ALDH1A2: variants seen among roughly 807,000 people sequenced by gnomAD.
ALDH1A2 encodes the protein aldehyde dehydrogenase 1 family member A2.
Under a neutral mutation model 60.3 loss-of-function variants are expected in ALDH1A2, and 27 were observed. The ratio of observed to expected loss-of-function variants is 0.45; its 90% confidence interval spans 0.33 to 0.62. The LOEUF (loss-of-function observed/expected upper bound fraction) is 0.62, where lower values mean the gene tolerates loss of function less well. ALDH1A2 is among the 20% of genes least tolerant of loss of function. The probability of loss-of-function intolerance (pLI) is 0.02; values close to 1 mark genes in which losing one functional copy is unlikely to be tolerated. For missense variants in ALDH1A2, 581 were observed against 643.8 expected (o/e 0.90, Z 1.06); for synonymous variants, 289 against 232.4 (o/e 1.24, Z -2.21).
At chr15:57,982,874 T>C (rs1163689110) in intron 7 of ALDH1A2, among the ~76,000 whole-genome samples, 6 of 152,200 alleles carry the variant, frequency 3.9e-5, no homozygotes, top group Non-Finnish European at 8.8e-5. Context: ...GCTACATGTT[T>C]AGCAGTCACT....
chr15:58,014,351 AC>A (rs1289495563), intron 1 of ALDH1A2, 70 bp from the exon 2 acceptor site: 4 of 1,133,434 alleles, frequency 3.5e-6, no homozygotes, highest in Non-Finnish European at 4.0e-6. Context: ...GCCAAGTGTT[AC>A]GGAACTACTA....
intron 1 of ALDH1A2, among the ~76,000 whole-genome samples, chr15:58,036,390 C>G (rs1896379140): frequency 6.6e-6 from 1 of 151,534 alleles, no homozygotes. Context: ...CAACTTTTGG[C>G]AGCAACTATT....
At chr15:57,981,656 T>C (rs899933535) in intron 7 of ALDH1A2, among the ~76,000 whole-genome samples, 2 of 152,222 alleles carry the variant, frequency 1.3e-5, no homozygotes, top group African/African-American at 4.8e-5. Flanking sequence ...AAAGCTGGAA[T>C]TTGATCCATG....
At chr15:57,958,465 C>A (rs1325229705) in intron 12 of ALDH1A2, among the ~76,000 whole-genome samples, 1 of 152,132 alleles carries the variant, frequency 6.6e-6, no homozygotes, top group African/African-American at 2.4e-5. Context: ...GAGAAAAGCT[C>A]GTCTCTGAGC....
intron 5 of ALDH1A2, among the ~76,000 whole-genome samples, 182 bp from the exon 6 acceptor site, chr15:57,993,255 C>G (rs545071420): frequency 6.6e-6 from 1 of 152,194 alleles, no homozygotes; most frequent in African/African-American, 2.4e-5. Flanking sequence ...CCTTGGAAAT[C>G]TCTCCTTTTC....
chr15:57,955,353 G>A, intron 12 of ALDH1A2, 84 bp from the exon 13 acceptor site: 1 of 1,404,386 alleles, frequency 7.1e-7, no homozygotes, highest in South Asian at 1.2e-5. Flanking sequence ...GGGAGGTGCA[G>A]TTTATCACCT....
At chr15:58,064,461 T>G (rs1393826348) in intron 1 of ALDH1A2, among the ~76,000 whole-genome samples, 2 of 152,234 alleles carry the variant, frequency 1.3e-5, no homozygotes, top group East Asian at 3.8e-4. Context: ...CTAAGCCAGA[T>G]GCAAACAATT....
intron 1 of ALDH1A2, among the ~76,000 whole-genome samples, chr15:58,034,757 A>G (rs1401161679): frequency 3.3e-5 from 5 of 151,654 alleles, no homozygotes; most frequent in African/African-American, 1.2e-4. Flanking sequence ...CAGCCCATTG[A>G]TAAGACAGAC....
chr15:58,048,333 T>C (rs1216863137), intron 1 of ALDH1A2, among the ~76,000 whole-genome samples: 4 of 152,054 alleles, frequency 2.6e-5, no homozygotes, highest in African/African-American at 9.7e-5. Flanking sequence ...ATGCTGTAAA[T>C]GGAAATAACT....
chr15:58,018,653 C>A (rs1895845664), intron 1 of ALDH1A2, among the ~76,000 whole-genome samples: 2 of 152,084 alleles, frequency 1.3e-5, no homozygotes, highest in African/African-American at 4.8e-5. Context: ...GCTGATGTCA[C>A]CAGCAATGGG....
At chr15:57,955,727 C>T (rs1219731352) in intron 12 of ALDH1A2, among the ~76,000 whole-genome samples, 1 of 146,440 alleles carries the variant, frequency 6.8e-6, no homozygotes, top group African/African-American at 2.5e-5. Context: ...AGTATTAGTT[C>T]TTTGGGACAG....
intron 8 of ALDH1A2, 38 bp downstream of exon 8, chr15:57,965,687 G>T: frequency 2.2e-6 from 3 of 1,386,618 alleles, no homozygotes; most frequent in Non-Finnish European, 2.1e-6. Flanking sequence ...ACCAAAGGGT[G>T]TGTGGTGGTT....
At chr15:58,038,265 T>C (rs1896426108) in intron 1 of ALDH1A2, among the ~76,000 whole-genome samples, 2 of 151,758 alleles carry the variant, frequency 1.3e-5, no homozygotes, top group African/African-American at 2.4e-5. Flanking sequence ...AAGTAAATTA[T>C]GTCTTTCAGT....
At chr15:58,063,239 A>G (rs4646554) in intron 1 of ALDH1A2, among the ~76,000 whole-genome samples, 72,187 of 152,052 alleles carry the variant, frequency 0.47, 17,530 homozygotes, top group Non-Finnish European at 0.53. Context: ...ACAAAAAACA[A>G]TAACATATTG....
intron 7 of ALDH1A2, among the ~76,000 whole-genome samples, chr15:57,973,430 A>G (rs1270180525): frequency 1.3e-5 from 2 of 152,208 alleles, no homozygotes; most frequent in African/African-American, 4.8e-5. Flanking sequence ...TAATGTACCA[A>G]TAGGTCCCAT....
intron 1 of ALDH1A2, among the ~76,000 whole-genome samples, chr15:58,058,518 C>G (rs888011580): frequency 1.4e-5 from 2 of 146,262 alleles, no homozygotes; most frequent in Non-Finnish European, 3.0e-5. Context: ...AATTCAAAGT[C>G]CAATGAATAG....
At chr15:57,964,097 C>T (rs754801022) in intron 8 of ALDH1A2, 28 bp from the exon 9 acceptor site, 11 of 1,613,270 alleles carry the variant, frequency 6.8e-6, no homozygotes, top group African/African-American at 1.3e-5. Context: ...CATGTTCTCA[C>T]CGCTTTGCCT....
At position 57,954,927 on chromosome 15, in the gene ALDH1A2, T is replaced by C. The variant is rs1182840224; in HGVS notation, c.*270A>G. 1.8e-6 allele frequency: 1 copy of C among 546,136 alleles called. No homozygotes were observed. Among genetic ancestry groups the C allele is most frequent in the East Asian group, 3.2e-5 (1 of 31,340 alleles). The allele number at this position is 546,136 out of a possible 1,614,324, so 33.8% of individuals were successfully genotyped here. On this transcript the variant is annotated 3_prime_UTR_variant, in exon 13 of 13. Transcript: ENST00000249750. ...TTTCATCCTGTGCTCCAGAAGGAGA[T>C]ACTGGATGTGTCTGCTAGCTCCTCC...
At chr15:58,013,290 A>T (rs760826826) in intron 3 of ALDH1A2, among the ~76,000 whole-genome samples, 8 of 152,194 alleles carry the variant, frequency 5.3e-5, no homozygotes, top group Non-Finnish European at 1.0e-4. Flanking sequence ...CGTTTTCTGC[A>T]AGCAGCATGG....
Sources: gnomAD v4.1 joint callset for allele counts (sites outside exome capture counted in the v4.1 genomes callset) on GRCh38, gnomAD v4.1.1 for gene constraint, MANE v1.5 for transcripts, NCBI Gene and HGNC (gene_info 2026-07-23, HGNC 2026-07-21) for gene names.